Variants in MIDEAS observed in about 807,000 individuals in gnomAD.
MIDEAS encodes mitotic deacetylase-associated SANT domain protein.
A neutral mutation model predicts 102.7 loss-of-function variants in MIDEAS; 26 were observed. The observed-to-expected ratio is 0.25, with a 90% CI of 0.19 to 0.35. The LOEUF (loss-of-function observed/expected upper bound fraction) is 0.35, where lower values mean the gene tolerates loss of function less well. MIDEAS is among the 10% of genes least tolerant of loss of function. The pLI, the probability that MIDEAS is intolerant of heterozygous loss-of-function variation, is 1.00. For synonymous variants in MIDEAS, 585 were observed against 591.0 expected (o/e 0.99, Z 0.15); for missense variants, 1,231 against 1,435.6 (o/e 0.86, Z 2.30).
In MIDEAS at chr14:73,739,823, C is replaced by T. The variant is rs576517153; in HGVS notation, c.186G>A (p.Val62=). The change falls in exon 2 of 13, where the codon GTG becomes GTA. Residue 62 remains valine, a synonymous_variant. Transcript: ENST00000423556. ...CCAGGCTGCTAGGAGGGGGCAGTTC[C>T]ACAGGCTGAGAGGTGGAGACTGCCC... The part of the protein sequence containing the change: ...PGGAVSTSQP[V]ELPPPSSLAL... The T allele has an allele frequency of 1.9e-5, 30 of 1,612,042 alleles. No homozygotes were observed. The highest frequency in any genetic ancestry group is 4.0e-5 in the African/African-American group (3 of 75,032).
intron 5 of MIDEAS, 161 bp downstream of exon 5, chr14:73,727,297 C>A (rs905551529): frequency 5.3e-6 from 4 of 749,658 alleles, no homozygotes; most frequent in East Asian, 2.7e-5. Context: ...AGAGGCAGGG[C>A]GGGGACAGCA....
At chr14:73,769,269 T>C (rs1367363999) in intron 1 of MIDEAS, among the ~76,000 whole-genome samples, 1 of 152,190 alleles carries the variant, frequency 6.6e-6, no homozygotes, top group East Asian at 1.9e-4. Context: ...AAGAGAGGAC[T>C]TGCCGTTTCC....
In MIDEAS at chr14:73,725,426, G is replaced by T; in HGVS notation, c.2486-66C>A. On this transcript the variant is annotated intron_variant, in intron 8 of 12. Coordinates refer to ENST00000423556, the MANE Select transcript of MIDEAS (RefSeq NM_001367710.1). This position sits in a 1 kb window ranked among gnomAD's most constrained non-coding sequence, Gnocchi z 4.1. ...GCCCTGGCCACTGCAGGGCAATTTT[G>T]ACAAGCAAAAAAGTGTGAGGCCATC... 1.5e-6 allele frequency: 2 copies of T among 1,375,978 alleles called. No individual in the cohort carries two copies. The highest frequency in any genetic ancestry group is 2.3e-5 in the South Asian group (2 of 85,516). The allele number at this position is 1,375,978 out of a possible 1,614,324, so 85.2% of individuals were successfully genotyped here.
At position 73,726,591 on chromosome 14, in the gene MIDEAS, G is replaced by A. The variant is rs902800984; in HGVS notation, c.2409+13C>T. The A allele has an allele frequency of 2.5e-6, 4 of 1,612,992 alleles. No individual in the cohort carries two copies. The African/African-American group carries it at 5.3e-5, about 22-fold the overall frequency. On this transcript the variant is annotated intron_variant, in intron 7 of 12. Coordinates refer to ENST00000423556, the MANE Select transcript of MIDEAS (RefSeq NM_001367710.1). The stretch of plus-strand genomic sequence containing the variant: ...ACTGAGGGGCCCTCCCTCTGCTGGG[G>A]TTGCCTTCTCACCAGGATGTCTCCT...
intron 11 of MIDEAS, 142 bp downstream of exon 11, chr14:73,721,155 T>C (rs1208764655): frequency 3.8e-6 from 3 of 779,642 alleles, no homozygotes; most frequent in Non-Finnish European, 6.3e-6. Flanking sequence ...ATTAAATGAG[T>C]TAACAGCACA....
At chr14:73,719,526 TTGAG>T in intron 11 of MIDEAS, 25 bp from the exon 12 acceptor site, 1 of 1,606,636 alleles carries the variant, frequency 6.2e-7, no homozygotes. Flanking sequence ...ACAAGGAGAG[TTGAG>T]TGATCTGAGC....
chr14:73,738,151 A>ACT (rs2053228033), intron 2 of MIDEAS, among the ~76,000 whole-genome samples: 5 of 152,054 alleles, frequency 3.3e-5, no homozygotes, highest in Non-Finnish European at 5.9e-5. Context: ...TAATCCTAGC[A>ACT]CTTTGGGGGG....
intron 1 of MIDEAS, among the ~76,000 whole-genome samples, chr14:73,752,447 G>C (rs2053432271): frequency 6.6e-6 from 1 of 152,182 alleles, no homozygotes; most frequent in African/African-American, 2.4e-5. Context: ...GACTGGTCAG[G>C]GCTGGAAAGG....
At position 73,756,305 on chromosome 14, in the gene MIDEAS, C is replaced by T. The variant is rs990828487; in HGVS notation, c.-248+3458G>A. 1.5e-4 allele frequency among the ~76,000 whole-genome samples: 15 copies of T among 99,228 alleles called. No individual in the cohort carries two copies. The South Asian group carries it at 2.3e-3, about 15-fold the overall frequency. The allele number at this position is 99,228 out of a possible 152,430, so 65.1% of individuals were successfully genotyped here. On this transcript the variant is annotated intron_variant, in intron 1 of 12. Coordinates refer to ENST00000423556, the MANE Select transcript of MIDEAS (RefSeq NM_001367710.1). Reference sequence around the variant, plus strand: ...GTGTGTGTGTGTGTGTGCGCGCGCGCGTGCGCGCTGAGGTGGAGGGAGGGT... The same window carrying T: ...GTGTGTGTGTGTGTGTGCGCGCGCGTGTGCGCGCTGAGGTGGAGGGAGGGT...
At chr14:73,756,117 C>T (rs2053475844) in intron 1 of MIDEAS, among the ~76,000 whole-genome samples, 1 of 152,096 alleles carries the variant, frequency 6.6e-6, no homozygotes, top group Non-Finnish European at 1.5e-5. Context: ...CAGTCACTGC[C>T]CAAGTGACTG....
chr14:73,766,444 T>A (rs1433646992), intron 1 of MIDEAS, among the ~76,000 whole-genome samples: 1 of 152,262 alleles, frequency 6.6e-6, no homozygotes, highest in Non-Finnish European at 1.5e-5. Flanking sequence ...TTTCATTGAT[T>A]CTAAGATACA....
Position 73,751,364 on chromosome 14 carries a change from C to T in MIDEAS, c.-248+8399G>A, listed in dbSNP as rs149541126. ...ACAGCAGCAGCCTCTGGGTTGCTCA[C>T]GTCTGCTCCCTGGAGAGCAGCTTCA... On this transcript the variant is annotated intron_variant, in intron 1 of 12. Coordinates refer to ENST00000423556, the MANE Select transcript of MIDEAS (RefSeq NM_001367710.1). Among the ~76,000 whole-genome samples, 345 of 152,322 alleles carry T rather than the reference C, an allele frequency of 2.3e-3. 3 individuals carry two copies. The highest frequency in any genetic ancestry group is 0.01 in the Middle Eastern group (3 of 294).
rs1428109815 is a variant in MIDEAS, at chr14:73,759,671, T to A, written c.-248+92A>T. On this transcript the variant is annotated intron_variant, in intron 1 of 12. Coordinates refer to ENST00000423556, the MANE Select transcript of MIDEAS (RefSeq NM_001367710.1). This position sits in a 1 kb window ranked among gnomAD's most constrained non-coding sequence, Gnocchi z 6.7. ...GCGCCTGCAGAGCTGCAACCCGCCGTGCGAGCAGCCACAGCTCGCGCGCCG... is the reference window on the plus strand; with the variant it reads ...GCGCCTGCAGAGCTGCAACCCGCCGAGCGAGCAGCCACAGCTCGCGCGCCG... 1 of 150,528 alleles carries A rather than the reference T, an allele frequency of 6.6e-6. No individual in the cohort carries two copies. Among genetic ancestry groups the A allele is most frequent in the Non-Finnish European group, 1.5e-5 (1 of 67,540 alleles). 9.3% of individuals were successfully genotyped at this position (150,528 alleles called of 1,614,324 possible).
At chr14:73,719,095 T>TTCACCC in intron 12 of MIDEAS, 87 bp from the exon 13 acceptor site, 1 of 1,451,220 alleles carries the variant, frequency 6.9e-7, no homozygotes, top group Non-Finnish European at 9.0e-7. Context: ...AGCCTTCACC[T>TTCACCC]TCACCCCCAC....
In MIDEAS at chr14:73,739,509, C is replaced by G. The variant is rs778847892; in HGVS notation, c.500G>C (p.Arg167Pro). ...TYYNHPEALK[R>P]EKAGGPQLDR... ...CAGCTGTGGGCCCCCCGCTTTCTCC[C>G]GCTTCAGTGCCTCAGGGTGGTTATA... The change falls in exon 2 of 13, where the codon CGG (arginine) becomes CCG (proline). Residue 167 changes from arginine to proline, a missense_variant. Arg to Pro is a moderately radical substitution (Grantham distance 103). Coordinates refer to ENST00000423556, the MANE Select transcript of MIDEAS (RefSeq NM_001367710.1). 1 of 1,613,612 alleles carries G rather than the reference C, an allele frequency of 6.2e-7. No homozygotes were observed. Among genetic ancestry groups the G allele is most frequent in the Non-Finnish European group, 8.5e-7 (1 of 1,179,692 alleles).
At chr14:73,768,940 A>G (rs1041590235) in intron 1 of MIDEAS, among the ~76,000 whole-genome samples, 4 of 152,124 alleles carry the variant, frequency 2.6e-5, no homozygotes, top group African/African-American at 9.7e-5. Flanking sequence ...CAATTTTCCA[A>G]AGATCCCACC....
intron 1 of MIDEAS, among the ~76,000 whole-genome samples, chr14:73,749,917 C>T (rs972720498): frequency 2.0e-5 from 3 of 152,214 alleles, no homozygotes; most frequent in Admixed American, 1.3e-4. Context: ...CTCTCCCAGA[C>T]ACACATTGAA....
intron 1 of MIDEAS, among the ~76,000 whole-genome samples, chr14:73,747,192 C>T (rs1238050594): frequency 1.3e-5 from 2 of 152,190 alleles, no homozygotes; most frequent in South Asian, 2.1e-4. Flanking sequence ...TTCTTCAATT[C>T]CCTTCTGTTC....
chr14:73,721,031 A>G (rs1392467867), intron 11 of MIDEAS, among the ~76,000 whole-genome samples: 2 of 152,174 alleles, frequency 1.3e-5, no homozygotes, highest in Non-Finnish European at 2.9e-5. Flanking sequence ...GAGTATAAAA[A>G]TTAATCGCAG....
Sources: allele counts gnomAD v4.1 joint callset (sites outside exome capture counted in the v4.1 genomes callset), GRCh38; gene constraint gnomAD v4.1.1; non-coding constraint Gnocchi (gnomAD v3.1); transcripts MANE v1.5; gene names NCBI Gene and HGNC (gene_info 2026-07-23, HGNC 2026-07-21).